The following DOK5 variants were observed in gnomAD, a reference collection of about 807,000 sequenced individuals.
DOK5 encodes the protein docking protein 5.
Under a neutral mutation model 43.3 loss-of-function variants are expected in DOK5, and 27 were observed. The ratio of observed to expected loss-of-function variants is 0.62; its 90% CI spans 0.46 to 0.86. The LOEUF is 0.86. Ranked by LOEUF, DOK5 falls within the 40% of genes least tolerant of loss-of-function variation. DOK5 has a pLI of 0.00. For synonymous variants in DOK5, 146 were observed against 140.1 expected, an observed-to-expected ratio of 1.04 and a Z score of -0.30; for missense variants, 373 against 392.9, an observed-to-expected ratio of 0.95 and a Z score of 0.43.
intron 1 of DOK5, among the ~76,000 whole-genome samples, chr20:54,550,321 T>G (rs1455275699): frequency 6.6e-6 from 1 of 152,234 alleles, no homozygotes; most frequent in Non-Finnish European, 1.5e-5. Flanking sequence ...TCAAGATAAT[T>G]GTAAATTCAC....
chr20:54,496,326 G>A (rs886183845), intron 1 of DOK5, among the ~76,000 whole-genome samples: 5 of 152,274 alleles, frequency 3.3e-5, no homozygotes. Flanking sequence ...ATATTAGCTG[G>A]AGAAAGACTA....
chr20:54,476,137 C>A, intron 1 of DOK5, 125 bp downstream of exon 1: 1 of 1,539,440 alleles, frequency 6.5e-7, no homozygotes, highest in South Asian at 1.2e-5. Flanking sequence ...GTGGCTTTCT[C>A]AGCCGAAACC....
chr20:54,514,824 G>C (rs939042360), intron 1 of DOK5, among the ~76,000 whole-genome samples: 3 of 151,660 alleles, frequency 2.0e-5, no homozygotes, highest in African/African-American at 7.3e-5. Context: ...GATGTCACAG[G>C]GAGTTGAATT....
intron 1 of DOK5, among the ~76,000 whole-genome samples, chr20:54,541,472 G>T (rs1193034572): frequency 6.6e-6 from 1 of 152,074 alleles, no homozygotes; most frequent in Non-Finnish European, 1.5e-5. Flanking sequence ...GTCTAGTTCT[G>T]TTGCCCAGGC....
intron 1 of DOK5, among the ~76,000 whole-genome samples, chr20:54,486,556 T>TAC (rs747194935): frequency 2.7e-4 from 41 of 151,108 alleles, no homozygotes; most frequent in South Asian, 2.1e-4. Flanking sequence ...TTTCTCATTT[T>TAC]ACACACACAC....
At chr20:54,523,009 C>T (rs1244098184) in intron 1 of DOK5, among the ~76,000 whole-genome samples, 1 of 152,038 alleles carries the variant, frequency 6.6e-6, no homozygotes, top group Non-Finnish European at 1.5e-5. Flanking sequence ...TCCTTCTAAG[C>T]CTATTAGAGT....
chr20:54,509,469 T>C (rs1982939036), intron 1 of DOK5, among the ~76,000 whole-genome samples: 1 of 152,240 alleles, frequency 6.6e-6, no homozygotes, highest in African/African-American at 2.4e-5. Flanking sequence ...GCTGGGATTA[T>C]AGATCTAAGC....
intron 1 of DOK5, among the ~76,000 whole-genome samples, chr20:54,480,902 C>CTATCTATCTATCT (rs1555822314): frequency 0.024 from 3,183 of 134,818 alleles, 95 homozygotes; most frequent in African/African-American, 0.035. Flanking sequence ...TTAAGGCCTC[C>CTATCTATCTATCT]ATCTATCTAT....
intron 1 of DOK5, among the ~76,000 whole-genome samples, chr20:54,483,931 T>C (rs1352957159): frequency 6.6e-6 from 1 of 152,164 alleles, no homozygotes; most frequent in African/African-American, 2.4e-5. Flanking sequence ...ACTGGTTGTC[T>C]TGTGTTCTTA....
At chr20:54,603,337 T>C (rs911563801) in intron 5 of DOK5, among the ~76,000 whole-genome samples, 2 of 152,214 alleles carry the variant, frequency 1.3e-5, no homozygotes, top group Admixed American at 1.3e-4. Context: ...ACTAGGAGAA[T>C]AGACTGCTGC....
chr20:54,599,195 A>G (rs1055329590), intron 5 of DOK5, among the ~76,000 whole-genome samples: 3 of 152,176 alleles, frequency 2.0e-5, no homozygotes, highest in Admixed American at 6.5e-5. Context: ...AGCTCCCCCA[A>G]CTATGTTGAG....
chr20:54,518,837 T>C (rs549839694), intron 1 of DOK5, among the ~76,000 whole-genome samples: 1 of 152,256 alleles, frequency 6.6e-6, no homozygotes, highest in South Asian at 2.1e-4. Context: ...GAATCTACAA[T>C]GAACTCAAAC....
intron 1 of DOK5, among the ~76,000 whole-genome samples, chr20:54,478,809 A>G (rs528559013): frequency 3.3e-5 from 5 of 152,338 alleles, no homozygotes; most frequent in Non-Finnish European, 7.3e-5. Flanking sequence ...ATGAAAGTCT[A>G]GAACATTGAT....
chr20:54,527,251 A>G (rs377649760), intron 1 of DOK5, among the ~76,000 whole-genome samples: 33 of 152,256 alleles, frequency 2.2e-4, no homozygotes, highest in African/African-American at 7.5e-4. Context: ...GAGAATGGCC[A>G]TTTTAAAAGT....
At chr20:54,523,112 T>C (rs1020537970) in intron 1 of DOK5, among the ~76,000 whole-genome samples, 1 of 152,220 alleles carries the variant, frequency 6.6e-6, no homozygotes, top group Non-Finnish European at 1.5e-5. Context: ...TATTTCCTAT[T>C]GGCTTCAGGG....
chr20:54,478,109 A>T (rs1409081985), intron 1 of DOK5, among the ~76,000 whole-genome samples: 1 of 152,250 alleles, frequency 6.6e-6, no homozygotes, highest in African/African-American at 2.4e-5. Context: ...GTTATTGCTC[A>T]TGGAGAGAAA....
At chr20:54,580,014 A>G (rs957941588) in intron 2 of DOK5, among the ~76,000 whole-genome samples, 1 of 152,024 alleles carries the variant, frequency 6.6e-6, no homozygotes, top group Non-Finnish European at 1.5e-5. Context: ...CCCACTTAGG[A>G]GTGAGAACAT....
chr20:54,639,925 C>T (rs1001652110), intron 6 of DOK5, among the ~76,000 whole-genome samples: 5 of 152,276 alleles, frequency 3.3e-5, no homozygotes, highest in South Asian at 2.1e-4. Context: ...CAAAACAAGA[C>T]GATTATTTAC....
At chr20:54,543,186 C>A (rs1228751166) in intron 1 of DOK5, among the ~76,000 whole-genome samples, 1 of 152,080 alleles carries the variant, frequency 6.6e-6, no homozygotes, top group East Asian at 1.9e-4. Context: ...GAAGTTTCTA[C>A]TTAACTCATT....
Sources: allele counts gnomAD v4.1 joint callset (sites outside exome capture counted in the v4.1 genomes callset), GRCh38; gene constraint gnomAD v4.1.1; transcripts MANE v1.5; gene names NCBI Gene and HGNC (gene_info 2026-07-23, HGNC 2026-07-21).